The following DAB1 variants were observed in gnomAD, a reference collection of about 807,000 sequenced individuals.
DAB1 encodes the protein disabled homolog 1.
Under a neutral mutation model 64.6 loss-of-function variants are expected in DAB1, and 15 were observed. The observed-to-expected ratio is 0.23, with a 90% CI of 0.16 to 0.36. DAB1 has a LOEUF of 0.36. Among genes scored for constraint, DAB1 ranks in the 10% least tolerant of loss-of-function variants. The pLI is 1.00. For synonymous variants in DAB1, 235 were observed against 251.9 expected, an observed-to-expected ratio of 0.93 and a Z score of 0.64; for missense variants, 596 against 706.7, an observed-to-expected ratio of 0.84 and a Z score of 1.78.
intron 7 of DAB1, among the ~76,000 whole-genome samples, chr1:57,511,089 T>C (rs543584671): frequency 2.8e-4 from 43 of 152,186 alleles, no homozygotes; most frequent in Non-Finnish European, 6.2e-4. Flanking sequence ...AGACCATCTC[T>C]TGACTGGATG....
intron 5 of DAB1, among the ~76,000 whole-genome samples, chr1:58,116,047 A>G (rs996092117): frequency 6.6e-6 from 1 of 152,018 alleles, no homozygotes; most frequent in Non-Finnish European, 1.5e-5. Context: ...AATAAAAAAA[A>G]ATAAATAAAT....
At chr1:57,793,020 G>T (rs1271596270) in intron 6 of DAB1, among the ~76,000 whole-genome samples, 1 of 152,166 alleles carries the variant, frequency 6.6e-6, no homozygotes, top group Non-Finnish European at 1.5e-5. Flanking sequence ...AGAAGCTAAG[G>T]CTCCAAGTGG....
chr1:57,638,159 A>C (rs984577817), intron 7 of DAB1, among the ~76,000 whole-genome samples: 4 of 152,178 alleles, frequency 2.6e-5, no homozygotes, highest in Admixed American at 1.3e-4. Context: ...TTTTTTTGCT[A>C]ATTTCTAAAC....
chr1:57,529,202 A>G (rs1644632345), intron 7 of DAB1, among the ~76,000 whole-genome samples: 1 of 152,124 alleles, frequency 6.6e-6, no homozygotes. Context: ...CATAATTTAT[A>G]TAGCAAGCTC....
chr1:58,218,841 C>T (rs1323402231), intron 4 of DAB1, among the ~76,000 whole-genome samples: 2 of 152,132 alleles, frequency 1.3e-5, no homozygotes, highest in African/African-American at 4.8e-5. Flanking sequence ...GACACACATC[C>T]ACACTTCCCA....
chr1:57,461,257 A>T (rs1160640960), intron 7 of DAB1, among the ~76,000 whole-genome samples: 3 of 152,186 alleles, frequency 2.0e-5, no homozygotes, highest in Non-Finnish European at 2.9e-5. Flanking sequence ...GCACTGGTCT[A>T]ATGTTGGGGA....
chr1:57,322,797 T>C (rs1463581729), intron 1 of DAB1, among the ~76,000 whole-genome samples: 1 of 152,156 alleles, frequency 6.6e-6, no homozygotes, highest in Non-Finnish European at 1.5e-5. Flanking sequence ...TAGAAAATGC[T>C]AACCTGGAGG....
rs114944261 is a variant in DAB1 at position 58,416,629 on chromosome 1, T to C, written n.258-73226A>G. ...TAAAACTAATACTCAAGTTGGTTAT[T>C]GGAAAACTTCCAAGTATTTACAATT... On this transcript the variant is annotated intron_variant and non_coding_transcript_variant, in intron 3 of 20. Transcript: ENST00000485760. Among the ~76,000 whole-genome samples, 1,247 of 152,344 alleles carry C rather than the reference T, an allele frequency of 8.2e-3. 24 individuals carry two copies. The highest frequency in any genetic ancestry group is 0.028 in the African/African-American group (1,168 of 41,572).
intron 4 of DAB1, among the ~76,000 whole-genome samples, chr1:58,223,101 G>A (rs1372916947): frequency 6.6e-6 from 1 of 152,162 alleles, no homozygotes; most frequent in Non-Finnish European, 1.5e-5. Context: ...GGTAGGCCAT[G>A]TCTTAATCCC....
At chr1:57,195,091 AC>A (rs1426432853) in intron 2 of DAB1, among the ~76,000 whole-genome samples, 1 of 152,114 alleles carries the variant, frequency 6.6e-6, no homozygotes, top group Non-Finnish European at 1.5e-5. Flanking sequence ...AGCATAATAT[AC>A]TCTTGCCTGA....
At chr1:58,120,180 T>A (rs1049389971) in intron 5 of DAB1, among the ~76,000 whole-genome samples, 6 of 152,128 alleles carry the variant, frequency 3.9e-5, no homozygotes, top group African/African-American at 1.4e-4. Context: ...TTAGACTCTC[T>A]GAGTCACGAT....
chr1:58,201,091 A>G (rs968471357), intron 4 of DAB1, among the ~76,000 whole-genome samples: 4 of 148,386 alleles, frequency 2.7e-5, no homozygotes, highest in African/African-American at 1.0e-4. Flanking sequence ...ATCTCGGCTC[A>G]CTGCAAGCTC....
chr1:58,511,490 T>C (rs1646075746), intron 2 of DAB1, among the ~76,000 whole-genome samples: 1 of 151,788 alleles, frequency 6.6e-6, no homozygotes, highest in Admixed American at 6.6e-5. Flanking sequence ...TACAAAAAAT[T>C]AGGCAGGTGT....
At chr1:58,206,902 T>C (rs1557695589) in intron 4 of DAB1, among the ~76,000 whole-genome samples, 1 of 152,222 alleles carries the variant, frequency 6.6e-6, no homozygotes, top group East Asian at 1.9e-4. Flanking sequence ...GTGCCTTTAA[T>C]TGGCCAACTA....
At chr1:57,450,081 T>C (rs527482279) in intron 7 of DAB1, among the ~76,000 whole-genome samples, 2 of 152,354 alleles carry the variant, frequency 1.3e-5, no homozygotes, top group Admixed American at 1.3e-4. Flanking sequence ...ACATCCCTTA[T>C]CCAAAACTGT....
At chr1:57,175,822 A>G (rs1000039458) in intron 2 of DAB1, among the ~76,000 whole-genome samples, 1 of 152,154 alleles carries the variant, frequency 6.6e-6, no homozygotes, top group Non-Finnish European at 1.5e-5. Flanking sequence ...AAACCCATCA[A>G]AATGGCAGCC....
At chr1:57,834,690 TATATA>T (rs1557507068) in intron 1 of DAB1, among the ~76,000 whole-genome samples, 1 of 151,634 alleles carries the variant, frequency 6.6e-6, no homozygotes, top group Non-Finnish European at 1.5e-5. Flanking sequence ...TGTGTATAGA[TATATA>T]TTATATATGT....
intron 5 of DAB1, among the ~76,000 whole-genome samples, chr1:58,081,965 G>A (rs1650024063): frequency 6.6e-6 from 1 of 152,148 alleles, no homozygotes; most frequent in East Asian, 1.9e-4. Context: ...TGAAAAAAGT[G>A]TTTAATATGT....
At chr1:57,238,936 C>T (rs772068691) in intron 2 of DAB1, among the ~76,000 whole-genome samples, 1 of 151,046 alleles carries the variant, frequency 6.6e-6, no homozygotes, top group Non-Finnish European at 1.5e-5. Flanking sequence ...AGGTGAGTCC[C>T]GAATATAATT....
Sources: allele counts gnomAD v4.1 joint callset (sites outside exome capture counted in the v4.1 genomes callset), GRCh38; gene constraint gnomAD v4.1.1; transcripts MANE v1.5; gene names NCBI Gene and HGNC (gene_info 2026-07-23, HGNC 2026-07-21).